Variants in FAM228A observed in about 807,000 individuals in gnomAD.
The protein encoded by FAM228A is protein FAM228A.
A neutral mutation model predicts 18.6 loss-of-function variants in FAM228A; 13 were observed. That is an observed-to-expected ratio of 0.70 (90% confidence interval 0.45 to 1.11). The LOEUF is 1.11. FAM228A is among the 50% of genes least tolerant of loss of function. The probability of loss-of-function intolerance (pLI) is 0.00; values close to 1 mark genes in which losing one functional copy is unlikely to be tolerated. For missense variants in FAM228A, 240 were observed against 242.2 expected (o/e 0.99, Z 0.06); for synonymous variants, 77 against 86.6 (o/e 0.89, Z 0.61).
intron 2 of FAM228A, chr2:24,175,828 G>A: frequency 8.9e-7 from 1 of 1,125,780 alleles, no homozygotes; most frequent in Non-Finnish European, 1.2e-6. Flanking sequence ...CAGCTCCCCG[G>A]CAGAAGCCAG....
At chr2:24,175,623 G>C (rs1374003889) in intron 2 of FAM228A, 50 bp downstream of exon 2, 1 of 1,348,354 alleles carries the variant, frequency 7.4e-7, no homozygotes, top group East Asian at 2.3e-5. Context: ...GGGACCCCTC[G>C]AGTTTGGGAA....
intron 5 of FAM228A, chr2:24,188,726 G>A (rs1573809847): frequency 1.2e-6 from 1 of 862,964 alleles, no homozygotes; most frequent in Non-Finnish European, 1.4e-6. Flanking sequence ...GAAGGCTCTC[G>A]CCTCTCTGGA....
At chr2:24,181,277 C>G (rs1443928796) in intron 3 of FAM228A, among the ~76,000 whole-genome samples, 1 of 152,164 alleles carries the variant, frequency 6.6e-6, no homozygotes, top group Non-Finnish European at 1.5e-5. Context: ...ATGAATCTTG[C>G]AAAACAGTTT....
At chr2:24,175,731 A>G in intron 2 of FAM228A, 158 bp downstream of exon 2, 1 of 734,942 alleles carries the variant, frequency 1.4e-6, no homozygotes, top group South Asian at 1.8e-5. Context: ...TTTGGCCGAG[A>G]GTGTGGCCAA....
intron 5 of FAM228A, chr2:24,188,421 C>T: frequency 7.1e-6 from 7 of 982,288 alleles, no homozygotes; most frequent in Non-Finnish European, 8.5e-6. Flanking sequence ...CTCCTTGATT[C>T]TTTTTCAAAT....
At position 24,190,964 on chromosome 2, in the gene FAM228A, A is replaced by G. The variant is rs1668071110; in HGVS notation, c.*333A>G. ...TTTCCTACCATTTTCCACTTACTCCATCCAAACTGCACCAAAGATGGTGTT... is the reference window on the plus strand; with the variant it reads ...TTTCCTACCATTTTCCACTTACTCCGTCCAAACTGCACCAAAGATGGTGTT... On this transcript the variant is annotated 3_prime_UTR_variant, in exon 6 of 6. Transcript: ENST00000295150. The G allele has an allele frequency of 9.5e-7, 1 of 1,052,788 alleles. No individual in the cohort carries two copies. Among genetic ancestry groups the G allele is most frequent in the African/African-American group, 1.7e-5 (1 of 59,798 alleles). 65.2% of individuals were successfully genotyped at this position (1,052,788 alleles called of 1,614,324 possible). A position where few individuals can be genotyped will look rare whatever the true frequency, so the allele number is the denominator to read the frequency against.
chr2:24,190,736 A>G lies in FAM228A; in HGVS notation c.*105A>G, dbSNP rs531374264. 7.4e-5 allele frequency: 106 copies of G among 1,425,036 alleles called. 4 individuals carry two copies. The South Asian group carries it at 1.5e-3, about 20-fold the overall frequency. 88.3% of individuals were successfully genotyped at this position (1,425,036 alleles called of 1,614,324 possible). Reference sequence around the variant, plus strand: ...AGGAGGGAGAAATGGCGGTGGCCTCAGGCTCAGCACTGCAGCTCTGACAGG... The same window carrying G: ...AGGAGGGAGAAATGGCGGTGGCCTCGGGCTCAGCACTGCAGCTCTGACAGG... On this transcript the variant is annotated 3_prime_UTR_variant, in exon 6 of 6. Coordinates refer to ENST00000295150, the MANE Select transcript of FAM228A (RefSeq NM_001040710.3).
At chr2:24,176,339 ATC>A (rs1489446736) in intron 2 of FAM228A, 2 of 412,536 alleles carry the variant, frequency 4.8e-6, no homozygotes, top group Non-Finnish European at 6.1e-6. Flanking sequence ...TTCAGTTGCC[ATC>A]TTCATTTTAA....
intron 5 of FAM228A, chr2:24,188,517 C>T (rs1354545420): frequency 1.0e-6 from 1 of 985,210 alleles, no homozygotes; most frequent in Non-Finnish European, 1.2e-6. Context: ...TGACTTGCCT[C>T]TTAGCGGGAG....
chr2:24,175,320 A>C, intron 1 of FAM228A, 146 bp downstream of exon 1: 1 of 655,538 alleles, frequency 1.5e-6, no homozygotes. Context: ...TGAAGCGCCT[A>C]GGGCGCCAAG....
intron 5 of FAM228A, among the ~76,000 whole-genome samples, chr2:24,189,804 A>G (rs1668037077): frequency 6.6e-6 from 1 of 152,052 alleles, no homozygotes; most frequent in Non-Finnish European, 1.5e-5. Context: ...CAGTTTGATG[A>G]CAAAAGCCAG....
chr2:24,181,697 T>C (rs952766171), intron 3 of FAM228A, among the ~76,000 whole-genome samples: 1 of 152,134 alleles, frequency 6.6e-6, no homozygotes, highest in Admixed American at 6.6e-5. Flanking sequence ...ACGATCCTTT[T>C]ATATGAAGAA....
chr2:24,188,910 G>A (rs534099773), intron 5 of FAM228A, among the ~76,000 whole-genome samples: 11 of 152,252 alleles, frequency 7.2e-5, no homozygotes, highest in Admixed American at 7.2e-4. Flanking sequence ...TCCCCATCCT[G>A]AGTTTTGTTG....
intron 1 of FAM228A, 113 bp downstream of exon 1, chr2:24,175,287 C>T: frequency 1.7e-6 from 1 of 590,098 alleles, no homozygotes; most frequent in South Asian, 2.0e-5. Context: ...GAGGACGACA[C>T]GGGAGTGGGT....
At chr2:24,184,590 G>A (rs952351295) in intron 5 of FAM228A, among the ~76,000 whole-genome samples, 1 of 151,964 alleles carries the variant, frequency 6.6e-6, no homozygotes, top group Admixed American at 6.6e-5. Flanking sequence ...ATCCACTGTT[G>A]TGGACATTTG....
rs1390468673 is a variant in FAM228A at position 24,190,398 on chromosome 2, G to T, written c.402-14G>T. On this transcript the variant is annotated splice_polypyrimidine_tract_variant and intron_variant, in intron 5 of 5. Coordinates refer to ENST00000295150, the MANE Select transcript of FAM228A (RefSeq NM_001040710.3). ...GTGCTGAATCGAGACAATTTTTTCT[G>T]CTTTTCTTCACAGTCCTGAAAAGCT... The T allele has an allele frequency of 1.3e-6, 2 of 1,580,088 alleles. No homozygotes were observed. The highest frequency in any genetic ancestry group is 1.9e-5 in the Admixed American group (1 of 52,070).
chr2:24,176,554 A>G (rs760234883), intron 2 of FAM228A, among the ~76,000 whole-genome samples: 60 of 152,328 alleles, frequency 3.9e-4, no homozygotes, highest in Admixed American at 7.2e-4. Context: ...TTAAAGCAAG[A>G]TCCTGTTCCT....
intron 5 of FAM228A, among the ~76,000 whole-genome samples, chr2:24,189,773 C>T (rs1036890718): frequency 1.2e-4 from 18 of 152,042 alleles, no homozygotes; most frequent in African/African-American, 3.9e-4. Flanking sequence ...CTTGAGAGCA[C>T]GTGGCGAGGT....
intron 5 of FAM228A, chr2:24,188,629 T>TCTAC (rs1668010911): frequency 1.0e-6 from 1 of 985,304 alleles, no homozygotes; most frequent in Non-Finnish European, 1.2e-6. Flanking sequence ...GAAATCAGTC[T>TCTAC]CTACCTTGGT....
Sources: allele counts gnomAD v4.1 joint callset (sites outside exome capture counted in the v4.1 genomes callset), GRCh38; gene constraint gnomAD v4.1.1; transcripts MANE v1.5; gene names NCBI Gene and HGNC (gene_info 2026-07-23, HGNC 2026-07-21).